CNTN4: variants seen among roughly 807,000 people sequenced by gnomAD.
CNTN4 encodes the protein contactin-4.
Under a neutral mutation model 122.5 loss-of-function variants are expected in CNTN4, and 77 were observed. The observed-to-expected ratio is 0.63, with a 90% CI of 0.52 to 0.76. The LOEUF (loss-of-function observed/expected upper bound fraction) is 0.76. Among genes scored for constraint, CNTN4 ranks in the 30% least tolerant of loss-of-function variants. The pLI, the probability that CNTN4 is intolerant of heterozygous loss-of-function variation, is 0.00. For synonymous variants in CNTN4, 512 were observed against 447.0 expected (o/e 1.15, Z -1.83); for missense variants, 1,256 against 1,259.1 (o/e 1.00, Z 0.04).
chr3:3,040,430 A>G (rs1361208011), intron 20 of CNTN4, 159 bp downstream of exon 20: 9 of 675,316 alleles, frequency 1.3e-5, no homozygotes, highest in African/African-American at 1.2e-4. Flanking sequence ...GCTGTCCACC[A>G]TGAATCTCTT....
rs180773705 is a variant in CNTN4, at chr3:2,190,760, C to A, written c.-145+90121C>A. Among the ~76,000 whole-genome samples, 398 of 151,740 alleles carry A rather than the reference C, an allele frequency of 2.6e-3. 1 individual carries two copies. Among genetic ancestry groups the A allele is most frequent in the African/African-American group, 8.8e-3 (363 of 41,368 alleles). ...TTGCTGTTTTCTAAATTCAACCTTG[C>A]AGCATAGTGCATACATTGGTATACA... On this transcript the variant is annotated intron_variant, in intron 2 of 24. Coordinates refer to ENST00000418658, the MANE Select transcript of CNTN4 (RefSeq NM_175607.3).
intron 2 of CNTN4, among the ~76,000 whole-genome samples, chr3:2,289,462 G>A (rs530338832): frequency 7.9e-5 from 12 of 152,344 alleles, no homozygotes; most frequent in Admixed American, 7.8e-4. Context: ...GATAGTATAT[G>A]TGAAGACCAT....
intron 2 of CNTN4, among the ~76,000 whole-genome samples, chr3:2,170,894 A>G (rs1347701870): frequency 6.6e-6 from 1 of 152,230 alleles, no homozygotes; most frequent in Non-Finnish European, 1.5e-5. Context: ...AACTCAGCAA[A>G]TACTGAAAAA....
chr3:2,142,884 G>T (rs1209032409), intron 2 of CNTN4, among the ~76,000 whole-genome samples: 1 of 152,202 alleles, frequency 6.6e-6, no homozygotes, highest in Non-Finnish European at 1.5e-5. Context: ...TTCAAAGATT[G>T]TAAATAGGCT....
At chr3:2,264,075 C>T (rs148190606) in intron 2 of CNTN4, among the ~76,000 whole-genome samples, 4 of 152,230 alleles carry the variant, frequency 2.6e-5, no homozygotes, top group East Asian at 1.9e-4. Context: ...GCAGTAAGCA[C>T]GGCAGTGCAG....
At chr3:2,638,327 C>T (rs1036462012) in intron 4 of CNTN4, among the ~76,000 whole-genome samples, 1 of 152,082 alleles carries the variant, frequency 6.6e-6, no homozygotes, top group Non-Finnish European at 1.5e-5. Flanking sequence ...AGTGTTGTGC[C>T]CCTGTCCCCA....
chr3:2,706,272 C>G (rs947644278), intron 4 of CNTN4, among the ~76,000 whole-genome samples: 2 of 151,988 alleles, frequency 1.3e-5, no homozygotes, highest in Admixed American at 1.3e-4. Context: ...ATGCCCAACA[C>G]TATGATCAGT....
At chr3:2,465,705 T>A (rs912273310) in intron 3 of CNTN4, among the ~76,000 whole-genome samples, 3 of 151,992 alleles carry the variant, frequency 2.0e-5, no homozygotes, top group East Asian at 1.9e-4. Context: ...AATAAAAAAA[T>A]AAAATAAAAA....
chr3:2,113,322 A>C (rs907074582), intron 2 of CNTN4, among the ~76,000 whole-genome samples: 1 of 152,206 alleles, frequency 6.6e-6, no homozygotes, highest in Non-Finnish European at 1.5e-5. Context: ...CTAGATATAC[A>C]GTCTAAGTAC....
intron 4 of CNTN4, among the ~76,000 whole-genome samples, chr3:2,657,232 T>C (rs970849286): frequency 1.3e-5 from 2 of 152,192 alleles, no homozygotes; most frequent in Non-Finnish European, 2.9e-5. Flanking sequence ...ACCTCTAGCT[T>C]CGAGGCACTT....
At chr3:2,594,166 C>G (rs1399986475) in intron 4 of CNTN4, among the ~76,000 whole-genome samples, 1 of 152,088 alleles carries the variant, frequency 6.6e-6, no homozygotes, top group Admixed American at 6.6e-5. Flanking sequence ...GGCTCTTTGT[C>G]TGGCATTTGA....
chr3:2,270,527 C>A (rs900660238), intron 2 of CNTN4, among the ~76,000 whole-genome samples: 8 of 152,020 alleles, frequency 5.3e-5, no homozygotes, highest in African/African-American at 1.9e-4. Context: ...GACAGGAGTA[C>A]TTGTTATGAC....
intron 4 of CNTN4, among the ~76,000 whole-genome samples, chr3:2,612,378 A>G (rs776117179): frequency 4.6e-5 from 7 of 152,152 alleles, no homozygotes; most frequent in Non-Finnish European, 7.4e-5. Flanking sequence ...AGTTTATTGA[A>G]TACTGTACAG....
chr3:2,554,176 G>C (rs1217008962), intron 3 of CNTN4, among the ~76,000 whole-genome samples: 1 of 152,092 alleles, frequency 6.6e-6, no homozygotes, highest in Non-Finnish European at 1.5e-5. Flanking sequence ...AAATTCAGTT[G>C]TCTTTGCTAA....
intron 3 of CNTN4, among the ~76,000 whole-genome samples, chr3:2,491,976 T>G (rs534025463): frequency 4.7e-4 from 72 of 152,158 alleles, no homozygotes; most frequent in African/African-American, 1.7e-3. Flanking sequence ...AAGTCTTTGT[T>G]TTTTTTTAGT....
intron 3 of CNTN4, among the ~76,000 whole-genome samples, chr3:2,392,035 G>T (rs942142699): frequency 6.6e-6 from 1 of 152,106 alleles, no homozygotes; most frequent in Non-Finnish European, 1.5e-5. Flanking sequence ...TCTCAGATTA[G>T]AACTGAACCA....
intron 2 of CNTN4, among the ~76,000 whole-genome samples, chr3:2,164,627 C>G (rs553907217): frequency 2.6e-5 from 4 of 152,224 alleles, no homozygotes; most frequent in African/African-American, 9.6e-5. Flanking sequence ...AAAGTTGACA[C>G]AGAAAAACAA....
intron 4 of CNTN4, among the ~76,000 whole-genome samples, chr3:2,591,635 A>G: frequency 1.9e-5 from 1 of 51,676 alleles, no homozygotes; most frequent in Non-Finnish European, 4.9e-5. Context: ...AAGTGCTGGG[A>G]TTACAGGCGT....
At chr3:2,298,172 C>T (rs1209125111) in intron 2 of CNTN4, among the ~76,000 whole-genome samples, 1 of 152,108 alleles carries the variant, frequency 6.6e-6, no homozygotes, top group East Asian at 1.9e-4. Context: ...TAGCAAATCA[C>T]CTTTAAAAAT....
Sources: gnomAD v4.1 joint callset for allele counts (sites outside exome capture counted in the v4.1 genomes callset) on GRCh38, gnomAD v4.1.1 for gene constraint, MANE v1.5 for transcripts, NCBI Gene and HGNC (gene_info 2026-07-23, HGNC 2026-07-21) for gene names.